The following ATP8A2 variants were observed in gnomAD, a reference collection of about 807,000 sequenced individuals.
ATP8A2 encodes ATPase phospholipid transporting 8A2.
Under a neutral mutation model 165.6 loss-of-function variants are expected in ATP8A2, and 100 were observed. The observed-to-expected ratio is 0.60, with a 90% CI of 0.51 to 0.71. ATP8A2 has a LOEUF of 0.71. Ranked by LOEUF, ATP8A2 falls within the 30% of genes least tolerant of loss-of-function variation. The pLI, the probability that ATP8A2 is intolerant of heterozygous loss-of-function variation, is 0.00. For synonymous variants in ATP8A2, 543 were observed against 548.8 expected, an observed-to-expected ratio of 0.99 and a Z score of 0.15; for missense variants, 1,227 against 1,479.5, an observed-to-expected ratio of 0.83 and a Z score of 2.80.
At chr13:25,659,087 A>G (rs2041995424) in intron 24 of ATP8A2, among the ~76,000 whole-genome samples, 3 of 152,222 alleles carry the variant, frequency 2.0e-5, no homozygotes, top group South Asian at 4.1e-4. Context: ...AAAGCTGCCT[A>G]AGAAATCGTC....
intron 1 of ATP8A2, among the ~76,000 whole-genome samples, chr13:25,464,786 C>T (rs973226922): frequency 2.0e-5 from 3 of 152,200 alleles, no homozygotes; most frequent in African/African-American, 4.8e-5. Context: ...ACCTAAAAGG[C>T]ACCTACTACA....
chr13:25,917,457 A>G (rs1438300275), intron 33 of ATP8A2, among the ~76,000 whole-genome samples: 1 of 152,250 alleles, frequency 6.6e-6, no homozygotes, highest in African/African-American at 2.4e-5. Context: ...TCCTCATAGT[A>G]ACCCTGAAGG....
intron 30 of ATP8A2, among the ~76,000 whole-genome samples, chr13:25,853,064 G>T (rs904840773): frequency 9.2e-5 from 14 of 151,990 alleles, no homozygotes; most frequent in Non-Finnish European, 1.6e-4. Flanking sequence ...AAAGTGCTTA[G>T]AACTGTGTAA....
chr13:25,987,157 C>T (rs777259136), intron 35 of ATP8A2, among the ~76,000 whole-genome samples: 26 of 152,166 alleles, frequency 1.7e-4, no homozygotes, highest in Non-Finnish European at 3.2e-4. Context: ...CCCACTCCTG[C>T]GCCCTGTATG....
At chr13:25,782,750 GT>G (rs1156333295) in intron 27 of ATP8A2, among the ~76,000 whole-genome samples, 2 of 152,060 alleles carry the variant, frequency 1.3e-5, no homozygotes, top group East Asian at 3.9e-4. Context: ...GTTTTGTTTT[GT>G]TTTTTTGAGA....
At chr13:25,460,713 C>G (rs1288672817) in intron 1 of ATP8A2, among the ~76,000 whole-genome samples, 1 of 152,166 alleles carries the variant, frequency 6.6e-6, no homozygotes, top group Admixed American at 6.5e-5. Context: ...CCCACTGTGC[C>G]GGAGCCAACT....
chr13:25,460,635 C>T (rs1367132370), intron 1 of ATP8A2, among the ~76,000 whole-genome samples: 1 of 152,134 alleles, frequency 6.6e-6, no homozygotes. Context: ...TTTTGAGGAA[C>T]AGAAGCCCAG....
chr13:25,717,429 A>AAAAAAC (rs2043279746), intron 25 of ATP8A2, among the ~76,000 whole-genome samples: 2 of 151,456 alleles, frequency 1.3e-5, no homozygotes, highest in African/African-American at 4.9e-5. Flanking sequence ...AAAAAAAAAA[A>AAAAAAC]AAAAAAACAC....
intron 1 of ATP8A2, among the ~76,000 whole-genome samples, chr13:25,397,671 A>T (rs528980477): frequency 2.4e-4 from 36 of 152,332 alleles, no homozygotes; most frequent in African/African-American, 8.7e-4. Flanking sequence ...TCTGAGCCAA[A>T]TGTGAGGATC....
chr13:25,679,105 C>T lies in ATP8A2; in HGVS notation c.2212-20068C>T, dbSNP rs2038654. Among the ~76,000 whole-genome samples the T allele has an allele frequency of 7.8e-3, 1,181 of 151,964 alleles. 10 individuals are homozygous for T. Among genetic ancestry groups the T allele is most frequent in the Non-Finnish European group, 0.011 (716 of 67,944 alleles). ...AACCAGGTAAGCAATGGGAGGAAGG[C>T]AATAGGATGAAGGAGAATGAAGGCT... On this transcript the variant is annotated intron_variant, in intron 24 of 36. Transcript: ENST00000381655.
At chr13:25,608,980 T>G (rs939753656) in intron 24 of ATP8A2, among the ~76,000 whole-genome samples, 4 of 152,156 alleles carry the variant, frequency 2.6e-5, no homozygotes, top group Non-Finnish European at 4.4e-5. Flanking sequence ...ATACTTAGAA[T>G]TGAATGATTA....
chr13:25,428,296 TAC>T (rs747641901), intron 1 of ATP8A2, among the ~76,000 whole-genome samples: 2 of 152,210 alleles, frequency 1.3e-5, no homozygotes, highest in Non-Finnish European at 2.9e-5. Context: ...TTCCAATCTT[TAC>T]TTCCTACAGA....
intron 24 of ATP8A2, among the ~76,000 whole-genome samples, chr13:25,632,772 T>C (rs550669534): frequency 6.6e-6 from 1 of 152,234 alleles, no homozygotes; most frequent in East Asian, 1.9e-4. Context: ...CAGAGGAAGA[T>C]TGACAGTCTG....
intron 24 of ATP8A2, among the ~76,000 whole-genome samples, chr13:25,613,706 C>T (rs2040750799): frequency 6.6e-6 from 1 of 152,172 alleles, no homozygotes; most frequent in East Asian, 1.9e-4. Context: ...AGCTTAGTTT[C>T]TCTGGATACA....
At chr13:25,762,028 GAGGCAGGC>G (rs2044389692) in intron 25 of ATP8A2, among the ~76,000 whole-genome samples, 1 of 151,914 alleles carries the variant, frequency 6.6e-6, no homozygotes, top group African/African-American at 2.4e-5. Context: ...TTGGGAGGTC[GAGGCAGGC>G]AGATCACCTG....
At chr13:25,511,447 G>T (rs897462443) in intron 2 of ATP8A2, among the ~76,000 whole-genome samples, 6 of 152,172 alleles carry the variant, frequency 3.9e-5, no homozygotes, top group Admixed American at 2.0e-4. Flanking sequence ...TTCTTGAGTT[G>T]TATTCCCTGA....
chr13:25,791,465 C>T lies in ATP8A2; in HGVS notation c.2679+16506C>T, dbSNP rs375710619. Among the ~76,000 whole-genome samples the T allele has an allele frequency of 1.1e-4, 17 of 151,550 alleles. 1 individual carries two copies. The South Asian group carries it at 2.7e-3, about 24-fold the overall frequency. On this transcript the variant is annotated intron_variant, in intron 27 of 36. Coordinates refer to ENST00000381655, the MANE Select transcript of ATP8A2 (RefSeq NM_016529.6). ...TAATACCTGGGTGATATAATCTGTACAACAAACCACCATGACACAAGTTTA... is the reference window on the plus strand; with the variant it reads ...TAATACCTGGGTGATATAATCTGTATAACAAACCACCATGACACAAGTTTA...
At chr13:25,546,804 AC>A (rs1163027994) in intron 10 of ATP8A2, among the ~76,000 whole-genome samples, 1 of 152,110 alleles carries the variant, frequency 6.6e-6, no homozygotes, top group Non-Finnish European at 1.5e-5. Flanking sequence ...TCTCCTAGTA[AC>A]CCAAGCTTAC....
At chr13:25,480,066 G>A (rs1235735074) in intron 2 of ATP8A2, among the ~76,000 whole-genome samples, 11 of 151,982 alleles carry the variant, frequency 7.2e-5, no homozygotes, top group Admixed American at 3.9e-4. Flanking sequence ...CAGTAGGGGC[G>A]GCTGGGCAGA....
Sources: allele counts gnomAD v4.1 joint callset (sites outside exome capture counted in the v4.1 genomes callset), GRCh38; gene constraint gnomAD v4.1.1; transcripts MANE v1.5; gene names NCBI Gene and HGNC (gene_info 2026-07-23, HGNC 2026-07-21).